Variants in COPS5 observed in about 807,000 individuals in gnomAD.
COPS5 encodes the protein COP9 signalosome complex subunit 5.
In COPS5, 8 loss-of-function variants were observed where a neutral mutation model predicts 44.4. The observed-to-expected ratio is 0.18, with a 90% CI of 0.11 to 0.32. The LOEUF (loss-of-function observed/expected upper bound fraction) is 0.32, where lower values mean the gene tolerates loss of function less well. COPS5 is among the 10% of genes least tolerant of loss of function. The pLI is 1.00. For synonymous variants in COPS5, 122 were observed against 142.8 expected (o/e 0.85, Z 1.04); for missense variants, 159 against 406.4 (o/e 0.39, Z 5.23).
At chr8:67,046,047 A>G in intron 6 of COPS5, 87 bp from the exon 7 acceptor site, 8 of 1,293,294 alleles carry the variant, frequency 6.2e-6, no homozygotes, top group Non-Finnish European at 8.6e-6. Flanking sequence ...AATTTTCTAC[A>G]AAGAATATTT....
intron 6 of COPS5, among the ~76,000 whole-genome samples, chr8:67,048,644 G>C (rs1431507304): frequency 6.6e-6 from 1 of 151,188 alleles, no homozygotes; most frequent in Non-Finnish European, 1.5e-5. Flanking sequence ...AAACCTGGAG[G>C]GGTGGAGGTT....
intron 6 of COPS5, among the ~76,000 whole-genome samples, chr8:67,047,054 CTTT>C (rs1450341927): frequency 6.6e-6 from 1 of 151,908 alleles, no homozygotes; most frequent in East Asian, 1.9e-4. Flanking sequence ...TGGGGTATCA[CTTT>C]TTAATTGCAG....
At chr8:67,056,385 G>T in intron 5 of COPS5, 134 bp downstream of exon 5, 1 of 311,176 alleles carries the variant, frequency 3.2e-6, no homozygotes, top group Non-Finnish European at 6.3e-6. Context: ...TGTAGAGATG[G>T]GGTCTCACTA....
At chr8:67,048,445 G>A (rs1318774710) in intron 6 of COPS5, among the ~76,000 whole-genome samples, 1 of 151,304 alleles carries the variant, frequency 6.6e-6, no homozygotes, top group South Asian at 2.1e-4. Context: ...AGCCGGGCGC[G>A]GTGGCTCACG....
chr8:67,057,331 GCCTA>G (rs1201819995), intron 4 of COPS5, 45 bp downstream of exon 4: 1 of 1,270,174 alleles, frequency 7.9e-7, no homozygotes, highest in Non-Finnish European at 1.1e-6. Flanking sequence ...CTGTACTCCA[GCCTA>G]GGTAACACAG....
intron 4 of COPS5, among the ~76,000 whole-genome samples, chr8:67,056,830 C>G (rs1804521221): frequency 1.3e-5 from 2 of 151,066 alleles, no homozygotes; most frequent in South Asian, 2.1e-4. Context: ...ACTTTCCCCC[C>G]ACCCAGTTTG....
At chr8:67,056,898 C>G (rs1804522378) in intron 4 of COPS5, among the ~76,000 whole-genome samples, 1 of 151,442 alleles carries the variant, frequency 6.6e-6, no homozygotes, top group Non-Finnish European at 1.5e-5. Flanking sequence ...AGGTGATGTA[C>G]TTTTGTTCTA....
At chr8:67,048,805 T>C (rs1816733422) in intron 6 of COPS5, among the ~76,000 whole-genome samples, 1 of 152,110 alleles carries the variant, frequency 6.6e-6, no homozygotes, top group East Asian at 1.9e-4. Flanking sequence ...AAAAAAATCA[T>C]TAATTGAGGC....
chr8:67,056,527 G>T lies in COPS5; in HGVS notation c.651C>A (p.His217Gln). Reference protein sequence around the residue: ...PLNKIEDFGVHCKQYYALEVS... With the variant: ...PLNKIEDFGVQCKQYYALEVS... ...GTTTTTAAATTACTTACTGTTTGCAGTGTACACCAAAATCTTCTATTTTAT... is the reference window on the plus strand; with the variant it reads ...GTTTTTAAATTACTTACTGTTTGCATTGTACACCAAAATCTTCTATTTTAT... Residue 217 changes from histidine to glutamine, a missense_variant, in exon 5 of 8, where the codon CAC (histidine) becomes CAA (glutamine). By Grantham distance (24) the His-to-Gln change is conservative (BLOSUM62 0). This residue lies in a region of COPS5 where 134 missense variants were observed against 376.7 expected (regional missense o/e 0.36). Coordinates refer to ENST00000357849, the MANE Select transcript of COPS5 (RefSeq NM_006837.3). The T allele has an allele frequency of 1.5e-6, 2 of 1,323,884 alleles. No individual in the cohort carries two copies. Among genetic ancestry groups the T allele is most frequent in the Non-Finnish European group, 1.1e-6 (1 of 950,678 alleles). The allele number at this position is 1,323,884 out of a possible 1,614,324, so 82.0% of individuals were successfully genotyped here.
rs559023719 is a variant in COPS5 at position 67,061,651 on chromosome 8, C to A, written c.143+203G>T. On this transcript the variant is annotated intron_variant, in intron 1 of 7. Transcript: ENST00000357849. ...CTTGTTGTTCTCCCCTTACATCACC[C>A]GGGGGCAAATGGATTAAAGCGACAG... is the stretch of plus-strand genomic sequence containing the variant. 7.3e-5 allele frequency: 43 copies of A among 587,592 alleles called. No homozygotes were observed. The African/African-American group carries it at 7.5e-4, about 10-fold the overall frequency. The allele number at this position is 587,592 out of a possible 1,614,324, so 36.4% of individuals were successfully genotyped here.
intron 1 of COPS5, 23 bp downstream of exon 1, chr8:67,061,831 C>T (rs776174581): frequency 1.9e-6 from 3 of 1,612,598 alleles, no homozygotes; most frequent in South Asian, 2.2e-5. Context: ...CCCTCCCCTG[C>T]GTCTCGCCAG....
At chr8:67,060,524 G>A in intron 1 of COPS5, 2 of 1,288,986 alleles carry the variant, frequency 1.6e-6, no homozygotes, top group Middle Eastern at 4.3e-4. Flanking sequence ...GACATGAATC[G>A]AAATCTTGGC....
In COPS5 at chr8:67,045,946, G is replaced by A; in HGVS notation, c.786C>T (p.Thr262=). ...CAGACAAATCAAAGACCTGACCAGTGGTATAGTCTGCATTCTGTGGGGAAA... is the reference window on the plus strand; with the variant it reads ...CAGACAAATCAAAGACCTGACCAGTAGTATAGTCTGCATTCTGTGGGGAAA... ...SSSLLTNADY[T]TGQVFDLSEK... is the part of the protein sequence containing the mutation. Residue 262 remains threonine, a synonymous_variant, in exon 7 of 8, where the codon ACC becomes ACT. Coordinates refer to ENST00000357849, the MANE Select transcript of COPS5 (RefSeq NM_006837.3). 3 of 1,614,024 alleles carry A rather than the reference G, an allele frequency of 1.9e-6. No individual in the cohort carries two copies. Among genetic ancestry groups the A allele is most frequent in the Non-Finnish European group, 2.5e-6 (3 of 1,179,936 alleles).
At chr8:67,060,937 G>A (rs1563449160) in intron 1 of COPS5, 3 of 165,642 alleles carry the variant, frequency 1.8e-5, no homozygotes, top group South Asian at 2.8e-4. Context: ...AATACTGAGA[G>A]ACAAGGCTAG....
chr8:67,049,356 TG>T (rs915592498), intron 6 of COPS5, among the ~76,000 whole-genome samples: 12 of 152,054 alleles, frequency 7.9e-5, no homozygotes, highest in African/African-American at 2.4e-4. Flanking sequence ...CCCAGCTACT[TG>T]GGAGGCTGAG....
At chr8:67,049,222 G>A (rs1017118191) in intron 6 of COPS5, among the ~76,000 whole-genome samples, 6 of 152,136 alleles carry the variant, frequency 3.9e-5, no homozygotes, top group Non-Finnish European at 8.8e-5. Context: ...TGGCACTTTG[G>A]GAGGCCAAGG....
intron 4 of COPS5, among the ~76,000 whole-genome samples, 165 bp from the exon 5 acceptor site, chr8:67,056,769 G>A (rs554052264): frequency 1.8e-3 from 238 of 135,808 alleles, no homozygotes; most frequent in African/African-American, 5.8e-3. Flanking sequence ...ATTAACTTTC[G>A]GAGGCAAATA....
chr8:67,047,968 T>G, intron 6 of COPS5: 1 of 696,544 alleles, frequency 1.4e-6, no homozygotes, highest in Non-Finnish European at 2.6e-6. Context: ...TACTTCTGAC[T>G]ACTAAGGATA....
Position 67,062,038 on chromosome 8 carries a change from G to A in COPS5, c.-42C>T, listed in dbSNP as rs1321029132. 3 of 1,613,534 alleles carry A rather than the reference G, an allele frequency of 1.9e-6. No individual in the cohort carries two copies. Among genetic ancestry groups the A allele is most frequent in the African/African-American group, 2.7e-5 (2 of 74,934 alleles). On this transcript the variant is annotated 5_prime_UTR_variant, in exon 1 of 8. Transcript: ENST00000357849. ...AAGTTGTCGTCTCTACAACCAAGAC[G>A]CAACTTTACCTCGCTAGGTTTCCGG... is the stretch of plus-strand genomic sequence containing the variant.
Sources: allele counts gnomAD v4.1 joint callset (sites outside exome capture counted in the v4.1 genomes callset), GRCh38; gene constraint gnomAD v4.1.1; regional missense constraint gnomAD v4.1.1; transcripts MANE v1.5; gene names NCBI Gene and HGNC (gene_info 2026-07-23, HGNC 2026-07-21).